TRMT10A: variants seen among roughly 807,000 people sequenced by gnomAD.
TRMT10A encodes the protein tRNA methyltransferase 10 homolog A.
In TRMT10A, 37 loss-of-function variants were observed where a neutral mutation model predicts 40.4. The observed-to-expected ratio is 0.92, with a 90% CI of 0.71 to 1.21. The LOEUF (loss-of-function observed/expected upper bound fraction) is 1.21, where lower values mean the gene tolerates loss of function less well. TRMT10A is among the 50% of genes most tolerant of loss of function. TRMT10A has a pLI of 0.00. For missense variants in TRMT10A, 388 were observed against 404.3 expected (o/e 0.96, Z 0.35); for synonymous variants, 103 against 134.1 (o/e 0.77, Z 1.60).
At chr4:99,563,820 T>C in intron 1 of TRMT10A, 93 bp downstream of exon 1, 1 of 633,074 alleles carries the variant, frequency 1.6e-6, no homozygotes, top group Non-Finnish European at 2.9e-6. Flanking sequence ...CCGGAAGCCC[T>C]TGTTGCTAGT....
rs540212306 is a variant in TRMT10A, at chr4:99,556,127, G to A, written c.495+19C>T. 1 of 1,607,984 alleles carries A rather than the reference G, an allele frequency of 6.2e-7. No individual in the cohort carries two copies. The highest frequency in any genetic ancestry group is 1.7e-5 in the Admixed American group (1 of 59,690). On this transcript the variant is annotated intron_variant, in intron 5 of 7. Transcript: ENST00000394876. ...TAAAAATACTTGGAATTATGTGAGAGTTTATCTGTTTTAATTACCTTCCAG... is the reference window on the plus strand; with the variant it reads ...TAAAAATACTTGGAATTATGTGAGAATTTATCTGTTTTAATTACCTTCCAG...
At chr4:99,549,422 T>C in intron 7 of TRMT10A, 66 bp from the exon 8 acceptor site, 1 of 1,560,878 alleles carries the variant, frequency 6.4e-7, no homozygotes. Flanking sequence ...CAATGTCTTT[T>C]AAAATACATT....
In TRMT10A at chr4:99,559,165, C is replaced by G; in HGVS notation, c.174G>C (p.Arg58=). ...TTTGAAACACATACTTGCGGAGTTCCCGTTGCTCTTCCCATTGTTTCTGTT... is the reference window on the plus strand; with the variant it reads ...TTTGAAACACATACTTGCGGAGTTCGCGTTGCTCTTCCCATTGTTTCTGTT... ...LIKQKQWEEQ[R]ELRKQKRKEK... is the part of the protein sequence containing the mutation. The change falls in exon 2 of 8, where the codon CGG becomes CGC. Residue 58 remains arginine (R), a synonymous_variant. Transcript: ENST00000394876. 1 of 1,612,084 alleles carries G rather than the reference C, an allele frequency of 6.2e-7. No homozygotes were observed. The highest frequency in any genetic ancestry group is 8.5e-7 in the Non-Finnish European group (1 of 1,178,816).
chr4:99,560,438 G>C (rs1724342276), intron 1 of TRMT10A, among the ~76,000 whole-genome samples: 1 of 152,014 alleles, frequency 6.6e-6, no homozygotes, highest in East Asian at 1.9e-4. Flanking sequence ...TGACTTAGAA[G>C]ACAATCTGAC....
At chr4:99,556,068 G>C in intron 5 of TRMT10A, 78 bp downstream of exon 5, 9 of 1,322,576 alleles carry the variant, frequency 6.8e-6, no homozygotes, top group Non-Finnish European at 9.6e-6. Flanking sequence ...GCATTATATA[G>C]AATTTAGGTA....
At chr4:99,559,109 A>T in intron 2 of TRMT10A, 45 bp downstream of exon 2, 3 of 1,554,350 alleles carry the variant, frequency 1.9e-6, no homozygotes, top group Non-Finnish European at 2.6e-6. Context: ...TTAACATTGC[A>T]TATCTCTAAA....
chr4:99,554,085 T>C, intron 5 of TRMT10A, 151 bp from the exon 6 acceptor site: 1 of 745,068 alleles, frequency 1.3e-6, no homozygotes, highest in Non-Finnish European at 2.1e-6. Context: ...ATTTTGAATT[T>C]ACTACATCAA....
Position 99,553,833 on chromosome 4 carries a change from T to G in TRMT10A, c.597A>C (p.Glu199Asp), listed in dbSNP as rs748795369. Residue 199 changes from glutamate to aspartate, a missense_variant, in exon 6 of 8, where the codon GAA (glutamate) becomes GAC (aspartate). Transcript: ENST00000394876. ...DSPNILKELD[E>D]SKAYVIGGLV... ...ATCCTCCAATCACATAGGCCTTTGATTCATCTAATTCCTTCAGTATATTAG... is the reference window on the plus strand; with the variant it reads ...ATCCTCCAATCACATAGGCCTTTGAGTCATCTAATTCCTTCAGTATATTAG... The G allele has an allele frequency of 3.7e-6, 6 of 1,613,444 alleles. No individual in the cohort carries two copies. Among genetic ancestry groups the G allele is most frequent in the South Asian group, 1.1e-5 (1 of 91,062 alleles).
rs1403393508 is a variant in TRMT10A, at chr4:99,549,148, A to C, written c.960T>G (p.His320Gln). 5 of 1,614,048 alleles carry C rather than the reference A, an allele frequency of 3.1e-6. No individual in the cohort carries two copies. The highest frequency in any genetic ancestry group is 3.4e-6 in the Non-Finnish European group (4 of 1,179,970). Residue 320 changes from histidine (H) to glutamine (Q), a missense_variant, in exon 8 of 8, where the codon CAT becomes CAG. By Grantham distance (24) the His-to-Gln change is conservative. Coordinates refer to ENST00000394876, the MANE Select transcript of TRMT10A (RefSeq NM_001134665.3). ...EYSRNELDSP[H>Q]EEKQDKENHT... ...GATTTTCCTTATCCTGCTTTTCTTC[A>C]TGTGGTGAATCTAGTTCATTTCTGC...
At chr4:99,554,009 T>C (rs1467469861) in intron 5 of TRMT10A, 75 bp from the exon 6 acceptor site, 112 of 1,451,460 alleles carry the variant, frequency 7.7e-5, no homozygotes, top group Non-Finnish European at 1.0e-4. Flanking sequence ...TTATTCTCTT[T>C]TCCCAAAACA....
chr4:99,554,722 C>CAAA (rs532448105), intron 5 of TRMT10A, among the ~76,000 whole-genome samples: 18,493 of 90,516 alleles, frequency 0.2, 1,530 homozygotes, highest in South Asian at 0.29. Context: ...GACTACGTTT[C>CAAA]AAAAAAAAAA....
At chr4:99,552,755 C>G (rs10008928) in intron 6 of TRMT10A, among the ~76,000 whole-genome samples, 2 of 151,650 alleles carry the variant, frequency 1.3e-5, no homozygotes, top group African/African-American at 4.8e-5. Context: ...TAAAAAAATG[C>G]AGAATATGAA....
intron 1 of TRMT10A, among the ~76,000 whole-genome samples, chr4:99,560,829 T>C (rs1256727297): frequency 1.3e-5 from 2 of 152,166 alleles, no homozygotes; most frequent in Non-Finnish European, 1.5e-5. Flanking sequence ...AGGAAACAAA[T>C]TGCTCTCTTC....
chr4:99,556,045 G>A, intron 5 of TRMT10A, 101 bp downstream of exon 5: 2 of 1,019,192 alleles, frequency 2.0e-6, no homozygotes, highest in South Asian at 3.3e-5. Context: ...TCTGGAGATT[G>A]TTGTATTAAG....
chr4:99,548,831 C>G lies in TRMT10A; in HGVS notation c.*257G>C. On this transcript the variant is annotated 3_prime_UTR_variant, in exon 8 of 8. Coordinates refer to ENST00000394876, the MANE Select transcript of TRMT10A (RefSeq NM_001134665.3). The stretch of plus-strand genomic sequence containing the variant: ...AAATATACTAATACAGTAAAATTAT[C>G]TAGAAACTACTGAGGCTTTAAAAAC... The G allele has an allele frequency of 3.1e-6, 1 of 326,544 alleles. No individual in the cohort carries two copies. The highest frequency in any genetic ancestry group is 5.5e-6 in the Non-Finnish European group (1 of 182,206). The allele number at this position is 326,544 out of a possible 1,614,324, so 20.2% of individuals were successfully genotyped here. A position where few individuals can be genotyped will look rare whatever the true frequency, so the allele number is the denominator to read the frequency against.
rs769796170 is a variant in TRMT10A, at chr4:99,558,167, T to C, written c.230A>G (p.Gln77Arg). ...EKRKRKKLER[Q>R]CQMEPNSDGH... ...ATCTGAGTTTGGTTCCATTTGACAT[T>C]GTCGCTCTAATTTTTTCCTCTTGCG... The change falls in exon 3 of 8, where the codon CAA (glutamine) becomes CGA (arginine). Residue 77 changes from glutamine to arginine, a missense_variant. Gln to Arg is a conservative substitution (Grantham distance 43). Transcript: ENST00000394876. The C allele has an allele frequency of 1.9e-6, 3 of 1,602,172 alleles. No individual in the cohort carries two copies. The highest frequency in any genetic ancestry group is 2.5e-6 in the Non-Finnish European group (3 of 1,177,016).
chr4:99,563,751 C>CAAA, intron 1 of TRMT10A, 162 bp downstream of exon 1: 1 of 437,066 alleles, frequency 2.3e-6, no homozygotes, highest in Non-Finnish European at 4.4e-6. Context: ...TCATCGACGT[C>CAAA]ATTTCCTTCA....
At position 99,557,413 on chromosome 4, in the gene TRMT10A, T is replaced by C. The variant is rs1724207011; in HGVS notation, c.352A>G (p.Ile118Val). ...TGAATCTGCTTATGAAGTTTCTTAATGTCCTATCACAGAGTTCAATTTTTA... is the reference window on the plus strand; with the variant it reads ...TGAATCTGCTTATGAAGTTTCTTAACGTCCTATCACAGAGTTCAATTTTTA... ...SFDHLMVLKD[I>V]KKLHKQIQRC... is the part of the protein sequence containing the mutation. The change falls in exon 4 of 8, where the codon ATT becomes GTT. Residue 118 changes from isoleucine (I) to valine (V), a missense_variant. Physicochemically the swap from Ile to Val is conservative, Grantham distance 29. Coordinates refer to ENST00000394876, the MANE Select transcript of TRMT10A (RefSeq NM_001134665.3). The C allele has an allele frequency of 1.2e-6, 2 of 1,613,292 alleles. No homozygotes were observed. The highest frequency in any genetic ancestry group is 1.7e-6 in the Non-Finnish European group (2 of 1,179,468).
chr4:99,554,711 C>T (rs894105357), intron 5 of TRMT10A, among the ~76,000 whole-genome samples: 11 of 115,222 alleles, frequency 9.5e-5, no homozygotes, highest in South Asian at 5.7e-4. Context: ...ACAGTGCAAG[C>T]GACTACGTTT....
Sources: allele counts gnomAD v4.1 joint callset (sites outside exome capture counted in the v4.1 genomes callset), GRCh38; gene constraint gnomAD v4.1.1; transcripts MANE v1.5; gene names NCBI Gene and HGNC (gene_info 2026-07-23, HGNC 2026-07-21).